THEMIS: variants seen among roughly 807,000 people sequenced by gnomAD.
The protein encoded by THEMIS is protein THEMIS.
THEMIS carries 37 observed loss-of-function variants against 52.6 expected under a neutral mutation model. That is an observed-to-expected ratio of 0.70 (90% CI 0.54 to 0.93). The LOEUF (loss-of-function observed/expected upper bound fraction) is 0.93. Ranked by LOEUF, THEMIS falls within the 40% of genes least tolerant of loss-of-function variation. The pLI, the probability that THEMIS is intolerant of heterozygous loss-of-function variation, is 0.00. For missense variants in THEMIS, 808 were observed against 763.1 expected (o/e 1.06, Z -0.69); for synonymous variants, 292 against 272.7 (o/e 1.07, Z -0.70).
intron 5 of THEMIS, among the ~76,000 whole-genome samples, chr6:127,715,201 T>C (rs553274485): frequency 6.6e-6 from 1 of 152,060 alleles, no homozygotes; most frequent in Admixed American, 6.6e-5. Flanking sequence ...TAGCCTTATC[T>C]AGAAGTGTAA....
chr6:127,798,274 CTTATT>C (rs1325434305), intron 4 of THEMIS, among the ~76,000 whole-genome samples: 1 of 152,084 alleles, frequency 6.6e-6, no homozygotes, highest in Non-Finnish European at 1.5e-5. Flanking sequence ...AACAGTGGAT[CTTATT>C]TTAAAGTTGT....
chr6:127,875,384 C>T (rs1198996271), intron 1 of THEMIS, among the ~76,000 whole-genome samples: 2 of 152,190 alleles, frequency 1.3e-5, no homozygotes, highest in African/African-American at 4.8e-5. Context: ...GAAGAAGCCT[C>T]AACACAATGT....
intron 4 of THEMIS, among the ~76,000 whole-genome samples, chr6:127,767,501 A>G (rs890466094): frequency 6.6e-6 from 1 of 152,038 alleles, no homozygotes; most frequent in African/African-American, 2.4e-5. Context: ...ACACATAAAC[A>G]TAGGCCTACA....
chr6:127,723,420 A>T (rs1774430923), intron 4 of THEMIS, among the ~76,000 whole-genome samples: 1 of 151,878 alleles, frequency 6.6e-6, no homozygotes, highest in African/African-American at 2.4e-5. Context: ...TCTTTACCCA[A>T]ACATTGCGTG....
chr6:127,724,013 A>G (rs1194178096), intron 4 of THEMIS, among the ~76,000 whole-genome samples: 2 of 152,066 alleles, frequency 1.3e-5, no homozygotes, highest in Non-Finnish European at 2.9e-5. Context: ...AAATTCATGA[A>G]TAAAACATGA....
intron 5 of THEMIS, among the ~76,000 whole-genome samples, chr6:127,712,722 TG>T (rs1217013105): frequency 1.3e-5 from 2 of 151,990 alleles, no homozygotes; most frequent in Admixed American, 1.3e-4. Flanking sequence ...TTTTGCTTTT[TG>T]CTTTTCTTTC....
intron 4 of THEMIS, among the ~76,000 whole-genome samples, chr6:127,736,677 A>G: frequency 6.6e-6 from 1 of 152,160 alleles, no homozygotes; most frequent in East Asian, 1.9e-4. Flanking sequence ...CTAAAGACTC[A>G]TCATTTTCAG....
At chr6:127,883,515 TATAG>T (rs1780552214) in intron 1 of THEMIS, among the ~76,000 whole-genome samples, 1 of 151,982 alleles carries the variant, frequency 6.6e-6, no homozygotes, top group African/African-American at 2.4e-5. Context: ...TGTTGCATTA[TATAG>T]ATTCACATAT....
Position 127,730,311 on chromosome 6 carries a change from G to A in THEMIS, c.1759-10488C>T, listed in dbSNP as rs571609102. Among the ~76,000 whole-genome samples, 166 of 119,874 alleles carry A rather than the reference G, an allele frequency of 1.4e-3. 1 individual carries two copies. Among genetic ancestry groups the A allele is most frequent in the African/African-American group, 5.2e-3 (152 of 29,228 alleles). 78.6% of individuals were successfully genotyped at this position (119,874 alleles called of 152,430 possible). On this transcript the variant is annotated intron_variant, in intron 4 of 5. Transcript: ENST00000368248. ...GAAAAGAAAAGAAAAGAAAAGAAAA[G>A]AAAAGAGAAAAAAAGAAAAGAAAAG...
At chr6:127,739,318 G>C (rs1775115140) in intron 4 of THEMIS, among the ~76,000 whole-genome samples, 1 of 152,106 alleles carries the variant, frequency 6.6e-6, no homozygotes, top group Non-Finnish European at 1.5e-5. Context: ...GAGAGACAGA[G>C]AGCAAGAGTG....
At chr6:127,811,195 A>G (rs1189124423) in intron 4 of THEMIS, among the ~76,000 whole-genome samples, 1 of 152,150 alleles carries the variant, frequency 6.6e-6, no homozygotes, top group Non-Finnish European at 1.5e-5. Flanking sequence ...TATTGTTACT[A>G]TAATAAATTA....
chr6:127,781,650 C>T (rs1349426217), intron 4 of THEMIS, among the ~76,000 whole-genome samples: 1 of 152,142 alleles, frequency 6.6e-6, no homozygotes, highest in Non-Finnish European at 1.5e-5. Flanking sequence ...CAGTCAGGCC[C>T]CTCTGCTGCA....
chr6:127,723,385 T>C lies in THEMIS; in HGVS notation c.1759-3562A>G, dbSNP rs142521114. 8.8e-4 allele frequency among the ~76,000 whole-genome samples: 134 copies of C among 152,156 alleles called. 2 individuals carry two copies. Among genetic ancestry groups the C allele is most frequent in the Admixed American group, 5.6e-3 (85 of 15,258 alleles). The stretch of plus-strand genomic sequence containing the variant: ...CTCCTTCCACTCTGAGTGCTTATTC[T>C]TAGTCTCCTTTGCTGGAGTATCCTT... On this transcript the variant is annotated intron_variant, in intron 4 of 5. Coordinates refer to ENST00000368248, the MANE Select transcript of THEMIS (RefSeq NM_001010923.3).
At chr6:127,806,752 C>T (rs1012717828) in intron 4 of THEMIS, among the ~76,000 whole-genome samples, 1 of 152,174 alleles carries the variant, frequency 6.6e-6, no homozygotes, top group Non-Finnish European at 1.5e-5. Flanking sequence ...ACATGTCATG[C>T]CTAGAGCAAA....
chr6:127,875,845 G>A (rs889422563), intron 1 of THEMIS, among the ~76,000 whole-genome samples: 1 of 152,130 alleles, frequency 6.6e-6, no homozygotes, highest in Non-Finnish European at 1.5e-5. Flanking sequence ...CTCTCATGCC[G>A]ATGAAGTTAG....
At chr6:127,915,695 A>G (rs921037752) in intron 1 of THEMIS, among the ~76,000 whole-genome samples, 2 of 152,134 alleles carry the variant, frequency 1.3e-5, no homozygotes, top group African/African-American at 4.8e-5. Context: ...CATGAGAAAA[A>G]AGAATGAGCA....
chr6:127,754,967 C>T (rs1433626723), intron 4 of THEMIS, among the ~76,000 whole-genome samples: 12 of 151,488 alleles, frequency 7.9e-5, no homozygotes. Flanking sequence ...AGAACTTTCC[C>T]AAGAAATCAG....
At chr6:127,865,965 T>A (rs1412444609) in intron 1 of THEMIS, among the ~76,000 whole-genome samples, 1 of 152,120 alleles carries the variant, frequency 6.6e-6, no homozygotes, top group Non-Finnish European at 1.5e-5. Flanking sequence ...AGCATTTGAA[T>A]GTTCTTTTCA....
At chr6:127,842,336 T>C (rs1273412700) in intron 2 of THEMIS, among the ~76,000 whole-genome samples, 6 of 152,022 alleles carry the variant, frequency 3.9e-5, no homozygotes, top group African/African-American at 1.4e-4. Context: ...CAATGGTCAT[T>C]GTTAATGTGT....
Sources: gnomAD v4.1 joint callset for allele counts (sites outside exome capture counted in the v4.1 genomes callset) on GRCh38, gnomAD v4.1.1 for gene constraint, MANE v1.5 for transcripts, NCBI Gene and HGNC (gene_info 2026-07-23, HGNC 2026-07-21) for gene names.